NOL4L: variants seen among roughly 807,000 people sequenced by gnomAD.
NOL4L encodes nucleolar protein 4-like.
A neutral mutation model predicts 64.5 loss-of-function variants in NOL4L; 7 were observed. The observed-to-expected ratio is 0.11, with a 90% CI of 0.06 to 0.20. The LOEUF is 0.20. Ranked by LOEUF, NOL4L falls within the 10% of genes least tolerant of loss-of-function variation. The pLI is 1.00. For missense variants in NOL4L, 680 were observed against 967.1 expected (o/e 0.70, Z 3.94); for synonymous variants, 413 against 401.0 (o/e 1.03, Z -0.36).
chr20:32,466,549 G>T (rs2014573525), intron 5 of NOL4L, among the ~76,000 whole-genome samples: 2 of 151,882 alleles, frequency 1.3e-5, no homozygotes, highest in South Asian at 4.1e-4. Flanking sequence ...TTGGGCCCCA[G>T]CTCTCTGCTC....
intron 1 of NOL4L, among the ~76,000 whole-genome samples, chr20:32,540,750 C>T (rs138502252): frequency 2.0e-5 from 3 of 152,234 alleles, no homozygotes; most frequent in East Asian, 1.9e-4. Flanking sequence ...GGAAAGCCCT[C>T]GGTCCGTGTT....
intron 1 of NOL4L, chr20:32,535,388 C>T (rs896041342): frequency 6.2e-6 from 1 of 160,542 alleles, no homozygotes; most frequent in Non-Finnish European, 1.3e-5. Context: ...ACACTCTCCC[C>T]ATAAATAAAT....
At chr20:32,525,797 A>C (rs1376001625) in intron 2 of NOL4L, among the ~76,000 whole-genome samples, 2 of 152,136 alleles carry the variant, frequency 1.3e-5, no homozygotes, top group Non-Finnish European at 2.9e-5. Context: ...TCACTCTGTC[A>C]CCCTGGCTGA....
chr20:32,538,287 G>GC (rs1471627848), intron 1 of NOL4L, among the ~76,000 whole-genome samples: 2 of 152,136 alleles, frequency 1.3e-5, no homozygotes, highest in African/African-American at 4.8e-5. Flanking sequence ...TGTGTCCCCT[G>GC]CCCCCCACCC....
chr20:32,571,514 G>A (rs548086773), intron 1 of NOL4L, among the ~76,000 whole-genome samples: 3 of 152,186 alleles, frequency 2.0e-5, no homozygotes, highest in African/African-American at 7.2e-5. Context: ...GCCAACTGCC[G>A]GTTTTGGTTT....
chr20:32,577,392 T>A (rs1156667956), intron 1 of NOL4L, among the ~76,000 whole-genome samples: 1 of 152,208 alleles, frequency 6.6e-6, no homozygotes, highest in Admixed American at 6.5e-5. Context: ...ATCTGACACC[T>A]GGGAAGAATT....
At chr20:32,574,927 C>T (rs1005325405) in intron 1 of NOL4L, among the ~76,000 whole-genome samples, 4 of 152,130 alleles carry the variant, frequency 2.6e-5, no homozygotes, top group African/African-American at 7.2e-5. Flanking sequence ...TTCCCACCCA[C>T]GAATCCCAGG....
intron 4 of NOL4L, among the ~76,000 whole-genome samples, chr20:32,482,174 G>T (rs1025695427): frequency 5.3e-5 from 8 of 151,992 alleles, no homozygotes; most frequent in African/African-American, 1.7e-4. Context: ...GGGAAAAAAG[G>T]TTCCATTTGA....
intron 1 of NOL4L, among the ~76,000 whole-genome samples, chr20:32,559,277 TC>T (rs1200575211): frequency 6.6e-6 from 1 of 152,072 alleles, no homozygotes; most frequent in African/African-American, 2.4e-5. Flanking sequence ...ATACCTCACC[TC>T]CCTTCCCTTT....
chr20:32,548,259 C>T (rs1413664203), intron 1 of NOL4L, among the ~76,000 whole-genome samples: 1 of 152,204 alleles, frequency 6.6e-6, no homozygotes, highest in East Asian at 1.9e-4. Context: ...GACCACATCT[C>T]ACTGGCAGGC....
chr20:32,583,381 T>C (rs2145630020), intron 1 of NOL4L, among the ~76,000 whole-genome samples: 1 of 145,290 alleles, frequency 6.9e-6, no homozygotes, highest in South Asian at 2.2e-4. Flanking sequence ...GAATCAATTG[T>C]GTGTGAAGAG....
At chr20:32,455,620 C>T (rs1039692048) in intron 6 of NOL4L, among the ~76,000 whole-genome samples, 11 of 152,276 alleles carry the variant, frequency 7.2e-5, no homozygotes, top group South Asian at 2.1e-4. Context: ...GGTAGGGGTA[C>T]GTACTGTGCC....
intron 1 of NOL4L, among the ~76,000 whole-genome samples, chr20:32,579,692 G>A (rs1857161381): frequency 6.6e-6 from 1 of 152,164 alleles, no homozygotes; most frequent in Non-Finnish European, 1.5e-5. Flanking sequence ...GCCCCAGGAA[G>A]GCAGAGCCTG....
rs979947145 is a variant in NOL4L at position 32,463,592 on chromosome 20, G to A, written c.842-7197C>T. On this transcript the variant is annotated intron_variant, in intron 5 of 10. Transcript: ENST00000621426. The surrounding 1 kb of genome is among the most constrained non-coding windows in gnomAD (Gnocchi z 5.8). ...CGGGCAGGGAAGGACTGCCGTGTCC[G>A]TCTATTTGAACATGGGGCAATGTGC... is the stretch of plus-strand genomic sequence containing the variant. 2.2e-4 allele frequency among the ~76,000 whole-genome samples: 33 copies of A among 152,250 alleles called. No homozygotes were observed. The highest frequency in any genetic ancestry group is 6.8e-4 in the African/African-American group (28 of 41,468).
chr20:32,538,076 G>A (rs552739973), intron 1 of NOL4L, among the ~76,000 whole-genome samples: 3 of 152,278 alleles, frequency 2.0e-5, no homozygotes, highest in Admixed American at 2.0e-4. Flanking sequence ...ACCACACCCA[G>A]CCCACAACCC....
At chr20:32,548,795 G>A (rs760959667) in intron 1 of NOL4L, 16 of 444,004 alleles carry the variant, frequency 3.6e-5, no homozygotes, top group South Asian at 2.3e-4. Context: ...GAAGTCTTGC[G>A]AGAGCAGAAT....
intron 10 of NOL4L, among the ~76,000 whole-genome samples, chr20:32,451,072 C>G (rs1013180586): frequency 6.6e-6 from 1 of 152,146 alleles, no homozygotes; most frequent in Non-Finnish European, 1.5e-5. Flanking sequence ...TGCCCAGGAA[C>G]AGTGAGGGGT....
intron 4 of NOL4L, among the ~76,000 whole-genome samples, chr20:32,482,904 G>A (rs1306571981): frequency 6.7e-6 from 1 of 148,738 alleles, no homozygotes; most frequent in East Asian, 2.0e-4. Context: ...GCCAGAGAAC[G>A]CCTCCCTCGC....
chr20:32,544,262 C>T (rs1386593778), intron 1 of NOL4L, among the ~76,000 whole-genome samples: 1 of 148,892 alleles, frequency 6.7e-6, no homozygotes. Context: ...CAAGGTATAG[C>T]AGGGCCCAGG....
Sources: gnomAD v4.1 joint callset for allele counts (sites outside exome capture counted in the v4.1 genomes callset) on GRCh38, gnomAD v4.1.1 for gene constraint, Gnocchi (gnomAD v3.1) non-coding constraint, MANE v1.5 for transcripts, NCBI Gene and HGNC (gene_info 2026-07-23, HGNC 2026-07-21) for gene names.